CELF1: variants seen among roughly 807,000 people sequenced by gnomAD.
The protein encoded by CELF1 is CUGBP Elav-like family member 1.
In CELF1, 10 loss-of-function variants were observed where a neutral mutation model predicts 61.8. The observed-to-expected ratio is 0.16, with a 90% confidence interval of 0.10 to 0.27. CELF1 has a LOEUF of 0.27. Among genes scored for constraint, CELF1 ranks in the 10% least tolerant of loss-of-function variants. The pLI is 1.00. For synonymous variants in CELF1, 236 were observed against 225.1 expected (o/e 1.05, Z -0.43); for missense variants, 380 against 639.1 (o/e 0.59, Z 4.37).
At chr11:47,488,701 A>G (rs2089274243) in intron 4 of CELF1, 136 bp downstream of exon 4, 1 of 600,590 alleles carries the variant, frequency 1.7e-6, no homozygotes, top group African/African-American at 1.9e-5. Flanking sequence ...GTATTCTGGC[A>G]ATGACAGAGA....
At chr11:47,494,176 T>A (rs944673981) in intron 3 of CELF1, among the ~76,000 whole-genome samples, 2 of 152,158 alleles carry the variant, frequency 1.3e-5, no homozygotes, top group Non-Finnish European at 2.9e-5. Flanking sequence ...AGCCCTGACC[T>A]GGGAACAGGA....
chr11:47,472,125 G>T lies in CELF1; in HGVS notation c.*105C>A. The stretch of plus-strand genomic sequence containing the variant: ...TGCCTGCGAGAGTGGCAGGGATCAG[G>T]GTCCAGGGCTGTCAACACACAGCCT... On this transcript the variant is annotated 3_prime_UTR_variant, in exon 15 of 15. Coordinates refer to ENST00000687097, the MANE Select transcript of CELF1 (RefSeq NM_001376376.1). 2 of 1,360,586 alleles carry T rather than the reference G, an allele frequency of 1.5e-6. No homozygotes were observed. Among genetic ancestry groups the T allele is most frequent in the Non-Finnish European group, 2.0e-6 (2 of 982,274 alleles). 84.3% of individuals were successfully genotyped at this position (1,360,586 alleles called of 1,614,324 possible). A position where few individuals can be genotyped will look rare whatever the true frequency, so the allele number is the denominator to read the frequency against.
chr11:47,546,347 A>G (rs1288107829), intron 1 of CELF1, among the ~76,000 whole-genome samples: 1 of 150,438 alleles, frequency 6.6e-6, no homozygotes, highest in Non-Finnish European at 1.5e-5. Context: ...GCTCACTGCA[A>G]CCTCTGTCTC....
At chr11:47,531,080 C>T (rs2096457952) in intron 1 of CELF1, among the ~76,000 whole-genome samples, 2 of 152,012 alleles carry the variant, frequency 1.3e-5, no homozygotes, top group East Asian at 1.9e-4. Flanking sequence ...AACCCCGTCT[C>T]TACTAAAAAT....
chr11:47,523,926 A>G (rs781629322), intron 1 of CELF1: 2 of 152,238 alleles, frequency 1.3e-5, no homozygotes, highest in Non-Finnish European at 2.9e-5. Flanking sequence ...CAAACCCAGT[A>G]TCTTCTGAAA....
At chr11:47,496,348 G>A (rs4752842) in intron 3 of CELF1, among the ~76,000 whole-genome samples, 2,243 of 152,208 alleles carry the variant, frequency 0.015, 117 homozygotes, top group Admixed American at 0.084. Context: ...GATAAGATCT[G>A]GAGATCTTAT....
chr11:47,557,982 A>G (rs2097210905), upstream of CELF1: 1 of 151,898 alleles, frequency 6.6e-6, no homozygotes, highest in African/African-American at 2.4e-5. Context: ...CATCCTCCCG[A>G]GTAACTGGAA....
Position 47,494,503 on chromosome 11 carries a change from G to C in CELF1, c.71+4950C>G, listed in dbSNP as rs533983061. On this transcript the variant is annotated intron_variant, in intron 3 of 14. Transcript: ENST00000687097. ...GAGACACACGAGGGAACAAAAAAGA[G>C]CTGTTATTTTCAAAGTATGTATTTG... The C allele has an allele frequency of 9.4e-5, 92 of 981,626 alleles. No homozygotes were observed. The African/African-American group carries it at 1.6e-3, about 17-fold the overall frequency. The allele number at this position is 981,626 out of a possible 1,614,324, so 60.8% of individuals were successfully genotyped here.
chr11:47,541,947 C>A (rs921068973), intron 1 of CELF1, among the ~76,000 whole-genome samples: 4 of 152,050 alleles, frequency 2.6e-5, no homozygotes, highest in South Asian at 2.1e-4. Flanking sequence ...ACATTCCCCC[C>A]CAAAACACAG....
rs7107665 is a variant in CELF1 at position 47,541,806 on chromosome 11, G to A, written c.-154+11186C>T. 0.013 allele frequency among the ~76,000 whole-genome samples: 1,578 copies of A among 124,802 alleles called. 197 individuals are homozygous for A. In the South Asian group the frequency reaches 0.15, roughly 12 times the overall value. 81.9% of individuals were successfully genotyped at this position (124,802 alleles called of 152,430 possible). On this transcript the variant is annotated intron_variant, in intron 1 of 14. Transcript: ENST00000687097. ...CGAAAGAAAGAACGAAAGAAAGAAA[G>A]AAAGAAAGAAAGAAAGAAAGAAAGA...
chr11:47,482,771 T>C lies in CELF1; in HGVS notation c.692A>G (p.Gln231Arg). Residue 231 changes from glutamine to arginine, a missense_variant, in exon 9 of 15, where the codon CAG becomes CGG. Transcript: ENST00000687097. Reference protein sequence around the residue: ...QKRMAQQLQQQMQQISAASVW... With the variant: ...QKRMAQQLQQRMQQISAASVW... ...AGATGCTGCGCTGATTTGCTGCATC[T>C]GCTGCTGGAGCTGCTGGGCCATTCT... 1 of 1,614,178 alleles carries C rather than the reference T, an allele frequency of 6.2e-7. No homozygotes were observed. Among genetic ancestry groups the C allele is most frequent in the Non-Finnish European group, 8.5e-7 (1 of 1,179,996 alleles).
At chr11:47,541,728 A>C (rs1236159413) in intron 1 of CELF1, among the ~76,000 whole-genome samples, 14 of 14,152 alleles carry the variant, frequency 9.9e-4, no homozygotes, top group African/African-American at 3.9e-3. Flanking sequence ...GAAAGAAAGA[A>C]CGAAAGAAAG....
At chr11:47,502,239 C>A (rs1213143383) in intron 1 of CELF1, among the ~76,000 whole-genome samples, 1 of 152,114 alleles carries the variant, frequency 6.6e-6, no homozygotes, top group African/African-American at 2.4e-5. Context: ...ATTTATAAAG[C>A]AACACCGCTT....
At chr11:47,487,956 A>G (rs556231853) in intron 4 of CELF1, among the ~76,000 whole-genome samples, 46 of 152,270 alleles carry the variant, frequency 3.0e-4, no homozygotes, top group African/African-American at 1.1e-3. Flanking sequence ...TTTTTTTTAA[A>G]TCATGCTGCA....
chr11:47,533,069 G>T (rs1033351700), intron 1 of CELF1, among the ~76,000 whole-genome samples: 1 of 151,824 alleles, frequency 6.6e-6, no homozygotes, highest in Non-Finnish European at 1.5e-5. Flanking sequence ...GGATCCAGAA[G>T]GCTTTTTTTT....
chr11:47,482,612 C>A, intron 9 of CELF1, 83 bp downstream of exon 9: 1 of 1,359,506 alleles, frequency 7.4e-7, no homozygotes, highest in Non-Finnish European at 1.0e-6. Context: ...GTAAATGCCA[C>A]TGTGTTTGTT....
At chr11:47,545,310 A>G (rs2096904575) in intron 1 of CELF1, among the ~76,000 whole-genome samples, 1 of 152,042 alleles carries the variant, frequency 6.6e-6, no homozygotes, top group East Asian at 1.9e-4. Flanking sequence ...GGCACCTATA[A>G]TCCCAGCTGC....
In CELF1 at chr11:47,559,677, G is replaced by A. The variant is rs549651196; in HGVS notation, c.-11+4674C>T. Among the ~76,000 whole-genome samples the A allele has an allele frequency of 6.6e-5, 10 of 152,192 alleles. No homozygotes were observed. The South Asian group carries it at 1.2e-3, about 19-fold the overall frequency. ...AAAGTAAATCTACCTCTATTGCACC[G>A]ACAATATAATATTCACAGATATCAC... is the stretch of plus-strand genomic sequence containing the variant. On this transcript the variant is annotated intron_variant, in intron 2 of 3. Transcript: ENST00000525841.
At chr11:47,499,735 G>GT (rs913944423) in intron 2 of CELF1, 131 bp from the exon 3 acceptor site, 124 of 565,934 alleles carry the variant, frequency 2.2e-4, no homozygotes, top group Middle Eastern at 6.1e-4. Context: ...ATGTGACCAT[G>GT]TGAAGGGAGG....
Sources: gnomAD v4.1 joint callset for allele counts (sites outside exome capture counted in the v4.1 genomes callset) on GRCh38, gnomAD v4.1.1 for gene constraint, MANE v1.5 for transcripts, NCBI Gene and HGNC (gene_info 2026-07-23, HGNC 2026-07-21) for gene names.